The following NELL2 variants were observed in gnomAD, a reference collection of about 807,000 sequenced individuals.
NELL2 encodes protein kinase C-binding protein NELL2.
A neutral mutation model predicts 109.6 loss-of-function variants in NELL2; 41 were observed. The ratio of observed to expected loss-of-function variants is 0.37; its 90% CI spans 0.29 to 0.49. The LOEUF is 0.49. Among genes scored for constraint, NELL2 ranks in the 20% least tolerant of loss-of-function variants. The pLI is 0.98. For missense variants in NELL2, 900 were observed against 1,008.3 expected, an observed-to-expected ratio of 0.89 and a Z score of 1.45; for synonymous variants, 355 against 344.7, an observed-to-expected ratio of 1.03 and a Z score of -0.33.
chr12:44,533,563 G>A (rs866407714), intron 15 of NELL2, among the ~76,000 whole-genome samples: 5 of 152,006 alleles, frequency 3.3e-5, no homozygotes. Context: ...AGTAAATCAC[G>A]CTGGATCTAC....
intron 12 of NELL2, among the ~76,000 whole-genome samples, chr12:44,674,396 C>A (rs1948240285): frequency 6.6e-6 from 1 of 151,996 alleles, no homozygotes; most frequent in Non-Finnish European, 1.5e-5. Flanking sequence ...GTAGAGATAT[C>A]CAGGGAAAAT....
At chr12:44,557,387 G>A in intron 15 of NELL2, among the ~76,000 whole-genome samples, 1 of 152,186 alleles carries the variant, frequency 6.6e-6, no homozygotes, top group Non-Finnish European at 1.5e-5. Flanking sequence ...AGACGGGGCA[G>A]TAACAGGATT....
intron 1 of NELL2, among the ~76,000 whole-genome samples, chr12:44,908,582 A>G (rs766825123): frequency 3.3e-5 from 5 of 151,988 alleles, no homozygotes; most frequent in East Asian, 1.9e-4. Flanking sequence ...TGGCTACAGT[A>G]GTAGCAAGAT....
chr12:44,607,250 C>A lies in NELL2; in HGVS notation c.1582G>T (p.Gly528Cys). The A allele has an allele frequency of 6.2e-7, 1 of 1,612,016 alleles. No homozygotes were observed. The highest frequency in any genetic ancestry group is 8.5e-7 in the Non-Finnish European group (1 of 1,178,942). ...GTTCKAFCKD[G>C]CRNGGACIAA... is the part of the protein sequence containing the mutation. ...ATACAGGCTCCTCCATTCCTACAGC[C>A]ATCTTTGCAAAATGCTAAAATAATT... The change falls in exon 15 of 20, where the codon GGC becomes TGC. Residue 528 changes from glycine (G) to cysteine (C), a missense_variant. Gly to Cys is a radical substitution (Grantham distance 159). Transcript: ENST00000429094.
At chr12:44,566,020 G>A (rs1335276263) in intron 15 of NELL2, among the ~76,000 whole-genome samples, 1 of 152,126 alleles carries the variant, frequency 6.6e-6, no homozygotes, top group Non-Finnish European at 1.5e-5. Context: ...TTCGAAGTCA[G>A]GGACCATAAA....
At chr12:44,829,298 C>A (rs1943812868) in intron 2 of NELL2, among the ~76,000 whole-genome samples, 2 of 152,106 alleles carry the variant, frequency 1.3e-5, no homozygotes, top group Non-Finnish European at 2.9e-5. Context: ...ACTGTTGATC[C>A]CGACTCAATA....
chr12:44,853,137 G>A (rs1944580513), intron 2 of NELL2, among the ~76,000 whole-genome samples: 1 of 152,006 alleles, frequency 6.6e-6, no homozygotes, highest in African/African-American at 2.4e-5. Context: ...CTTCAAATAT[G>A]TCTTCATTTT....
At chr12:44,680,708 T>C (rs940913320) in intron 12 of NELL2, among the ~76,000 whole-genome samples, 17 of 152,158 alleles carry the variant, frequency 1.1e-4, no homozygotes, top group Non-Finnish European at 2.2e-4. Flanking sequence ...GGAATAATAA[T>C]TGACTCAAAG....
chr12:44,875,501 C>A, intron 1 of NELL2, 148 bp from the exon 2 acceptor site: 1 of 1,613,460 alleles, frequency 6.2e-7, no homozygotes, highest in Middle Eastern at 1.7e-4. Context: ...CCGCCGAGAG[C>A]CTTACCTGAG....
intron 9 of NELL2, among the ~76,000 whole-genome samples, chr12:44,717,834 T>C (rs550976392): frequency 1.3e-5 from 2 of 152,208 alleles, no homozygotes; most frequent in Non-Finnish European, 2.9e-5. Flanking sequence ...GTGTCTCCCA[T>C]TGGTGAACGC....
At chr12:44,825,759 T>C (rs1821755398) in intron 2 of NELL2, among the ~76,000 whole-genome samples, 1 of 149,386 alleles carries the variant, frequency 6.7e-6, no homozygotes, top group South Asian at 2.2e-4. Flanking sequence ...ATTTTCTGTG[T>C]GTTAGGCCGG....
At chr12:44,815,955 A>G in intron 3 of NELL2, 31 bp downstream of exon 3, 1 of 1,593,092 alleles carries the variant, frequency 6.3e-7, no homozygotes, top group Non-Finnish European at 8.5e-7. Flanking sequence ...CATATAATGA[A>G]AACACAGGAA....
chr12:44,891,444 C>G (rs1398409957), intron 1 of NELL2, among the ~76,000 whole-genome samples: 1 of 152,206 alleles, frequency 6.6e-6, no homozygotes. Context: ...GGGTCCTCTG[C>G]TCTCGGCTCA....
At chr12:44,523,109 TG>T in intron 17 of NELL2, 181 bp downstream of exon 17, 1 of 647,914 alleles carries the variant, frequency 1.5e-6, no homozygotes. Context: ...TCTAAGGTTG[TG>T]GGACTAACTA....
chr12:44,606,662 T>G (rs1366645897), intron 15 of NELL2, among the ~76,000 whole-genome samples: 3 of 152,122 alleles, frequency 2.0e-5, no homozygotes, highest in African/African-American at 7.2e-5. Flanking sequence ...AAGTTCAGAA[T>G]GGATCTGAAT....
chr12:44,644,431 G>C (rs752564759), intron 13 of NELL2, among the ~76,000 whole-genome samples: 1 of 151,380 alleles, frequency 6.6e-6, no homozygotes, highest in Admixed American at 6.6e-5. Flanking sequence ...TCCTCTAGAA[G>C]AATAAGGTGA....
chr12:44,577,289 A>G (rs1944131543), intron 15 of NELL2, among the ~76,000 whole-genome samples: 1 of 120,040 alleles, frequency 8.3e-6, no homozygotes, highest in African/African-American at 3.3e-5. Context: ...CATTTCTCTG[A>G]TGGCCAGTGA....
chr12:44,876,220 T>G lies in NELL2; in HGVS notation c.-351A>C. 2.6e-6 allele frequency: 3 copies of G among 1,165,070 alleles called. No homozygotes were observed. The highest frequency in any genetic ancestry group is 9.3e-5 in the East Asian group (2 of 21,552). The allele number at this position is 1,165,070 out of a possible 1,614,324, so 72.2% of individuals were successfully genotyped here. Reference sequence around the variant, plus strand: ...AGCAGCCAAAGACTCGCACACCCGGTAGAAGGGGGGCGGCCCCAAGAAAGC... The same window carrying G: ...AGCAGCCAAAGACTCGCACACCCGGGAGAAGGGGGGCGGCCCCAAGAAAGC... On this transcript the variant is annotated 5_prime_UTR_variant, in exon 1 of 20. Transcript: ENST00000429094.
intron 9 of NELL2, among the ~76,000 whole-genome samples, chr12:44,755,439 AGT>A (rs1491325226): frequency 1.3e-5 from 2 of 151,956 alleles, no homozygotes; most frequent in African/African-American, 4.8e-5. Context: ...ATCTGGTCAC[AGT>A]CTCTCTCTCT....
Sources: allele counts gnomAD v4.1 joint callset (sites outside exome capture counted in the v4.1 genomes callset), GRCh38; gene constraint gnomAD v4.1.1; transcripts MANE v1.5; gene names NCBI Gene and HGNC (gene_info 2026-07-23, HGNC 2026-07-21).